Variants in DCLK1 observed in about 807,000 individuals in gnomAD.
The protein encoded by DCLK1 is serine/threonine-protein kinase DCLK1.
In DCLK1, 16 loss-of-function variants were observed where a neutral mutation model predicts 86.2. The observed-to-expected ratio is 0.19, with a 90% CI of 0.13 to 0.28. The LOEUF is 0.28. Ranked by LOEUF, DCLK1 falls within the 10% of genes least tolerant of loss-of-function variation. The probability of loss-of-function intolerance (pLI) is 1.00; values close to 1 mark genes in which losing one functional copy is unlikely to be tolerated. For missense variants in DCLK1, 590 were observed against 940.2 expected, an observed-to-expected ratio of 0.63 and a Z score of 4.87; for synonymous variants, 369 against 370.5, an observed-to-expected ratio of 1.00 and a Z score of 0.05.
At chr13:36,119,507 A>G (rs1368814598) in intron 2 of DCLK1, among the ~76,000 whole-genome samples, 1 of 152,206 alleles carries the variant, frequency 6.6e-6, no homozygotes, top group Non-Finnish European at 1.5e-5. Context: ...GGGGAAAATT[A>G]TAACTTTAGA....
At chr13:36,054,957 G>C (rs183515671) in intron 3 of DCLK1, among the ~76,000 whole-genome samples, 1 of 152,236 alleles carries the variant, frequency 6.6e-6, no homozygotes, top group African/African-American at 2.4e-5. Flanking sequence ...CACACTATGC[G>C]TTCTGTATAT....
chr13:35,785,087 T>C (rs898643483), intron 16 of DCLK1, among the ~76,000 whole-genome samples: 1 of 152,188 alleles, frequency 6.6e-6, no homozygotes, highest in Non-Finnish European at 1.5e-5. Context: ...CACCCTTTTG[T>C]CCTAGCTCAC....
chr13:36,062,789 G>A (rs892600872), intron 3 of DCLK1, among the ~76,000 whole-genome samples: 1 of 152,132 alleles, frequency 6.6e-6, no homozygotes, highest in African/African-American at 2.4e-5. Context: ...GACTAGACTG[G>A]ATCTACCTTA....
chr13:35,995,939 C>CT (rs35413666), intron 3 of DCLK1, among the ~76,000 whole-genome samples: 13,219 of 151,852 alleles, frequency 0.087, 796 homozygotes, highest in African/African-American at 0.16. Context: ...TTTATTATTT[C>CT]TTTTTTTTAA....
At chr13:36,034,055 C>A (rs1882394168) in intron 3 of DCLK1, among the ~76,000 whole-genome samples, 1 of 152,022 alleles carries the variant, frequency 6.6e-6, no homozygotes, top group South Asian at 2.1e-4. Context: ...AAAGCAGGAG[C>A]CAGGAGGGAA....
At chr13:36,075,764 C>G (rs1413390148) in intron 3 of DCLK1, among the ~76,000 whole-genome samples, 1 of 152,160 alleles carries the variant, frequency 6.6e-6, no homozygotes, top group African/African-American at 2.4e-5. Context: ...CGCCTGTAAA[C>G]CCAGCACTTT....
intron 15 of DCLK1, among the ~76,000 whole-genome samples, chr13:35,795,240 T>C (rs1207950383): frequency 1.3e-5 from 2 of 152,140 alleles, no homozygotes; most frequent in East Asian, 3.9e-4. Context: ...GTGTGCGGTG[T>C]GTGCAAGTGG....
intron 5 of DCLK1, among the ~76,000 whole-genome samples, chr13:35,862,053 A>G (rs1871437462): frequency 6.6e-6 from 1 of 150,384 alleles, no homozygotes; most frequent in Non-Finnish European, 1.5e-5. Context: ...AAAAAAAAAA[A>G]AAAGAAATGC....
At chr13:36,050,065 T>C (rs1883069014) in intron 3 of DCLK1, among the ~76,000 whole-genome samples, 1 of 152,200 alleles carries the variant, frequency 6.6e-6, no homozygotes, top group South Asian at 2.1e-4. Flanking sequence ...ATTTTAACAG[T>C]CAGCTCAAGT....
At chr13:35,954,033 C>T (rs763859834) in intron 3 of DCLK1, among the ~76,000 whole-genome samples, 2 of 152,028 alleles carry the variant, frequency 1.3e-5, no homozygotes, top group Admixed American at 1.3e-4. Context: ...TAAATTCATT[C>T]CATCTATTGC....
chr13:36,031,837 G>C (rs192014127), intron 3 of DCLK1, among the ~76,000 whole-genome samples: 8 of 152,300 alleles, frequency 5.3e-5, no homozygotes, highest in African/African-American at 1.9e-4. Context: ...CTACACAGCT[G>C]GCTGCTGTTT....
intron 8 of DCLK1, among the ~76,000 whole-genome samples, chr13:35,828,604 C>T (rs1868681376): frequency 6.6e-6 from 1 of 152,174 alleles, no homozygotes; most frequent in Non-Finnish European, 1.5e-5. Context: ...CCACTTGTCC[C>T]TCTTCCAAGT....
At chr13:36,098,873 T>C (rs902285302) in intron 3 of DCLK1, among the ~76,000 whole-genome samples, 2 of 152,204 alleles carry the variant, frequency 1.3e-5, no homozygotes, top group African/African-American at 2.4e-5. Context: ...TAAGGGCTTC[T>C]AAAATATGCC....
intron 16 of DCLK1, among the ~76,000 whole-genome samples, chr13:35,787,487 T>C (rs924850964): frequency 1.3e-5 from 2 of 152,078 alleles, no homozygotes; most frequent in African/African-American, 4.8e-5. Context: ...TAGAAAACGA[T>C]TGGATAGAAT....
intron 4 of DCLK1, among the ~76,000 whole-genome samples, chr13:35,930,598 T>TCAAA (rs776172120): frequency 1.3e-5 from 2 of 151,788 alleles, no homozygotes; most frequent in Non-Finnish European, 2.9e-5. Context: ...AGACTCCATC[T>TCAAA]CAAACAAACA....
intron 3 of DCLK1, among the ~76,000 whole-genome samples, chr13:35,996,884 C>T (rs1013259865): frequency 6.6e-6 from 1 of 152,178 alleles, no homozygotes; most frequent in African/African-American, 2.4e-5. Context: ...GAGCATTCGA[C>T]CTGTTGGCCA....
At chr13:36,004,336 T>C (rs1322845587) in intron 3 of DCLK1, among the ~76,000 whole-genome samples, 1 of 152,210 alleles carries the variant, frequency 6.6e-6, no homozygotes, top group African/African-American at 2.4e-5. Flanking sequence ...GGTTCTGGAA[T>C]ATTAGCTCAA....
At chr13:35,989,795 T>C (rs1383040219) in intron 3 of DCLK1, among the ~76,000 whole-genome samples, 1 of 151,494 alleles carries the variant, frequency 6.6e-6, no homozygotes, top group Non-Finnish European at 1.5e-5. Flanking sequence ...CAAGAGATGC[T>C]CCTGCTTCAG....
At chr13:36,053,929 T>C (rs1166315459) in intron 3 of DCLK1, among the ~76,000 whole-genome samples, 1 of 152,060 alleles carries the variant, frequency 6.6e-6, no homozygotes, top group Admixed American at 6.6e-5. Flanking sequence ...GGAAACAGCA[T>C]GTGCTGCAGT....
Sources: gnomAD v4.1 joint callset for allele counts (sites outside exome capture counted in the v4.1 genomes callset) on GRCh38, gnomAD v4.1.1 for gene constraint, MANE v1.5 for transcripts, NCBI Gene and HGNC (gene_info 2026-07-23, HGNC 2026-07-21) for gene names.